Variants in TNRC6A observed in about 807,000 individuals in gnomAD.
TNRC6A encodes trinucleotide repeat containing adaptor 6A.
Under a neutral mutation model 221.2 loss-of-function variants are expected in TNRC6A, and 44 were observed. The observed-to-expected ratio is 0.20, with a 90% CI of 0.16 to 0.26. The LOEUF (loss-of-function observed/expected upper bound fraction) is 0.26. TNRC6A is among the 10% of genes least tolerant of loss of function. The pLI is 1.00. For missense variants in TNRC6A, 2,199 were observed against 2,404.4 expected (o/e 0.91, Z 1.79); for synonymous variants, 847 against 838.5 (o/e 1.01, Z -0.18).
intron 2 of TNRC6A, among the ~76,000 whole-genome samples, chr16:24,723,591 C>CA (rs71383707): frequency 0.51 from 71,263 of 140,268 alleles, 18,588 homozygotes; most frequent in African/African-American, 0.63. Flanking sequence ...AAGACTCTGT[C>CA]AAAAAAAAAA....
chr16:24,794,517 C>T (rs1596741755), intron 7 of TNRC6A, 27 bp from the exon 8 acceptor site: 6 of 1,590,614 alleles, frequency 3.8e-6, no homozygotes, highest in Non-Finnish European at 3.4e-6. Context: ...AAGTATGTTT[C>T]TCTTTATATC....
intron 4 of TNRC6A, among the ~76,000 whole-genome samples, chr16:24,759,535 G>A (rs11642302): frequency 0.31 from 47,567 of 151,980 alleles, 7,698 homozygotes; most frequent in East Asian, 0.46. Flanking sequence ...GGAATACGAC[G>A]TGCATCTTTT....
intron 1 of TNRC6A, among the ~76,000 whole-genome samples, chr16:24,618,284 T>C (rs1900479799): frequency 6.6e-6 from 1 of 152,180 alleles, no homozygotes; most frequent in African/African-American, 2.4e-5. Context: ...AAAACATCAA[T>C]TGAACACTTT....
intron 2 of TNRC6A, among the ~76,000 whole-genome samples, chr16:24,716,783 C>T (rs2056320494): frequency 6.6e-6 from 1 of 151,488 alleles, no homozygotes; most frequent in South Asian, 2.1e-4. Context: ...CATGGTGAAA[C>T]CCCGTCTCTA....
At chr16:24,786,605 C>CAT (rs1447344310) in intron 5 of TNRC6A, among the ~76,000 whole-genome samples, 1 of 152,136 alleles carries the variant, frequency 6.6e-6, no homozygotes, top group East Asian at 1.9e-4. Context: ...TGAACCATCA[C>CAT]GCCTGGCCAG....
chr16:24,680,757 TTTTG>T lies in TNRC6A; in HGVS notation n.402+39764_402+39767del, dbSNP rs869171572. On this transcript the variant is annotated intron_variant and non_coding_transcript_variant, in intron 2 of 2. Coordinates refer to the TNRC6A transcript ENST00000566108. ...AACTATTATTTATTAGGAAGCGTTTTTTTGTTTGTTTGTTTGTTTTTTGACAGGG... is the reference window on the plus strand; with the variant it reads ...AACTATTATTTATTAGGAAGCGTTTTTTTGTTTGTTTGTTTTTTGACAGGG... 2.4e-3 allele frequency among the ~76,000 whole-genome samples: 366 copies of T among 151,836 alleles called. 10 individuals are homozygous for T. The highest frequency in any genetic ancestry group is 0.02 in the Admixed American group (309 of 15,146).
chr16:24,809,247 T>G (rs1275895238), intron 17 of TNRC6A, 103 bp from the exon 18 acceptor site: 1 of 1,076,606 alleles, frequency 9.3e-7, no homozygotes, highest in African/African-American at 1.6e-5. Flanking sequence ...TTATGTGGTT[T>G]GAAAACATTA....
intron 2 of TNRC6A, among the ~76,000 whole-genome samples, chr16:24,691,410 A>G (rs2055753503): frequency 2.0e-5 from 3 of 152,044 alleles, no homozygotes; most frequent in Admixed American, 2.0e-4. Context: ...TAAAGCATCA[A>G]GCTCATAGAC....
chr16:24,640,052 G>C (rs1462227332), intron 1 of TNRC6A, among the ~76,000 whole-genome samples: 1 of 152,172 alleles, frequency 6.6e-6, no homozygotes, highest in Non-Finnish European at 1.5e-5. Context: ...TGCAGACATA[G>C]ATGAGAGCAA....
chr16:24,698,036 A>T (rs1224530405), intron 2 of TNRC6A, among the ~76,000 whole-genome samples: 1 of 151,504 alleles, frequency 6.6e-6, no homozygotes, highest in African/African-American at 2.4e-5. Flanking sequence ...AAAAAAAAAA[A>T]AAAAATGCAG....
At chr16:24,720,704 A>G (rs972619667) in intron 2 of TNRC6A, among the ~76,000 whole-genome samples, 217 of 147,264 alleles carry the variant, frequency 1.5e-3, no homozygotes, top group Middle Eastern at 3.6e-3. Flanking sequence ...AAAAAAAAAA[A>G]AAAGAAAGAA....
At chr16:24,722,098 A>G (rs2056419731) in intron 2 of TNRC6A, among the ~76,000 whole-genome samples, 1 of 152,280 alleles carries the variant, frequency 6.6e-6, no homozygotes, top group South Asian at 2.1e-4. Flanking sequence ...CTACATGGGC[A>G]TATTTATTGG....
Position 24,805,601 on chromosome 16 carries a change from T to G in TNRC6A, c.4123-4T>G, listed in dbSNP as rs147863764. 5.0e-4 allele frequency: 808 copies of G among 1,614,124 alleles called. 2 individuals are homozygous for G. The African/African-American group carries it at 9.7e-3, about 19-fold the overall frequency. On this transcript the variant is annotated splice_polypyrimidine_tract_variant and splice_region_variant and intron_variant, in intron 14 of 24. Coordinates refer to ENST00000395799, the MANE Select transcript of TNRC6A (RefSeq NM_014494.4). ...GATCATTAACTTACCATTGTGATCC[T>G]AAGGTTCCAGTTTCATTGCTGAAGT...
chr16:24,737,953 G>A (rs550010502), intron 2 of TNRC6A, among the ~76,000 whole-genome samples: 1 of 152,296 alleles, frequency 6.6e-6, no homozygotes, highest in Admixed American at 6.5e-5. Flanking sequence ...TGATGTAAGA[G>A]AAATATGTTT....
At chr16:24,795,682 A>G (rs2058204002) in intron 8 of TNRC6A, 2 of 418,062 alleles carry the variant, frequency 4.8e-6, no homozygotes, top group Admixed American at 4.3e-5. Context: ...GCCTTGCCAT[A>G]TAGCTTATGA....
chr16:24,702,494 C>T (rs2056006154), intron 2 of TNRC6A, among the ~76,000 whole-genome samples: 1 of 152,080 alleles, frequency 6.6e-6, no homozygotes, highest in Non-Finnish European at 1.5e-5. Flanking sequence ...AATCTTCAAA[C>T]CTTATCATAG....
rs1252559879 is a variant in TNRC6A at position 24,790,038 on chromosome 16, A to G, written c.1396A>G (p.Asn466Asp). 1.2e-6 allele frequency: 2 copies of G among 1,614,080 alleles called. No individual in the cohort carries two copies. The highest frequency in any genetic ancestry group is 1.3e-5 in the African/African-American group (1 of 74,920). ...TTNFMTSSLP[N>D]SGSVQNNELP... is the part of the protein sequence containing the mutation. The stretch of plus-strand genomic sequence containing the variant: ...TAACTTTATGACCTCTAGTTTACCA[A>G]ACTCCGGTTCAGTGCAGAATAATGA... Residue 466 changes from asparagine to aspartate, a missense_variant, in exon 6 of 25, where the codon AAC becomes GAC. This residue lies in a region of TNRC6A where 1,405 missense variants were observed against 1,400.2 expected (regional missense o/e 1.00). Coordinates refer to ENST00000395799, the MANE Select transcript of TNRC6A (RefSeq NM_014494.4).
chr16:24,777,087 G>A lies in TNRC6A; in HGVS notation c.318G>A (p.Gln106=). The A allele has an allele frequency of 6.2e-7, 1 of 1,609,152 alleles. No individual in the cohort carries two copies. Among genetic ancestry groups the A allele is most frequent in the Non-Finnish European group, 8.5e-7 (1 of 1,177,462 alleles). The stretch of plus-strand genomic sequence containing the variant: ...AGCAGCAACAGCAGCAGCCGCAGCA[G>A]CAGCAGCCACAGCAGCAGCCACAGC... The part of the protein sequence containing the change: ...QQQQQQQQPQ[Q]QQPQQQPQPQ... Residue 106 remains glutamine, a synonymous_variant, in exon 5 of 25, where the codon CAG becomes CAA. Coordinates refer to ENST00000395799, the MANE Select transcript of TNRC6A (RefSeq NM_014494.4).
At chr16:24,728,845 G>A (rs1051757971), upstream of TNRC6A, among the ~76,000 whole-genome samples, 2 of 152,074 alleles carry the variant, frequency 1.3e-5, no homozygotes, top group African/African-American at 4.8e-5. Context: ...CTTACTGTGT[G>A]AGCTACGTTG....
Sources: gnomAD v4.1 joint callset for allele counts (sites outside exome capture counted in the v4.1 genomes callset) on GRCh38, gnomAD v4.1.1 for gene constraint, gnomAD v4.1.1 regional missense constraint, MANE v1.5 for transcripts, NCBI Gene and HGNC (gene_info 2026-07-23, HGNC 2026-07-21) for gene names.